The following RC3H1 variants were observed in gnomAD, a reference collection of about 807,000 sequenced individuals.
RC3H1 encodes roquin-1.
A neutral mutation model predicts 138.2 loss-of-function variants in RC3H1; 50 were observed. The ratio of observed to expected loss-of-function variants is 0.36; its 90% CI spans 0.29 to 0.46. The LOEUF (loss-of-function observed/expected upper bound fraction) is 0.46, where lower values mean the gene tolerates loss of function less well. Ranked by LOEUF, RC3H1 falls within the 20% of genes least tolerant of loss-of-function variation. RC3H1 has a pLI of 1.00. For missense variants in RC3H1, 1,031 were observed against 1,388.1 expected, an observed-to-expected ratio of 0.74 and a Z score of 4.09; for synonymous variants, 462 against 489.1, an observed-to-expected ratio of 0.94 and a Z score of 0.73.
In RC3H1 at chr1:173,935,220, T is replaced by C. The variant is rs1658532620; in HGVS notation, c.*3501A>G. 2 of 152,306 alleles carry C rather than the reference T, an allele frequency of 1.3e-5. No homozygotes were observed. Among genetic ancestry groups the C allele is most frequent in the Non-Finnish European group, 1.5e-5 (1 of 68,018 alleles). The allele number at this position is 152,306 out of a possible 1,614,324, so 9.4% of individuals were successfully genotyped here. ...AGACAGGACAGTTACTGGACTTATC[T>C]TATGACAAAATTATATATAAATTAG... On this transcript the variant is annotated 3_prime_UTR_variant, in exon 20 of 20. Coordinates refer to ENST00000367696, the MANE Select transcript of RC3H1 (RefSeq NM_172071.4).
intron 1 of RC3H1, among the ~76,000 whole-genome samples, chr1:173,996,598 T>C (rs74126483): frequency 0.033 from 4,998 of 152,146 alleles, 99 homozygotes; most frequent in Middle Eastern, 0.095. Context: ...TAAACCTGAG[T>C]GAACTTTCCT....
At chr1:173,989,244 T>C (rs942267636) in intron 2 of RC3H1, among the ~76,000 whole-genome samples, 2 of 152,214 alleles carry the variant, frequency 1.3e-5, no homozygotes. Context: ...GGTTTTGCCA[T>C]GTTGCTTAGG....
At chr1:174,013,282 G>A (rs1014772104) in intron 1 of RC3H1, among the ~76,000 whole-genome samples, 1 of 151,976 alleles carries the variant, frequency 6.6e-6, no homozygotes, top group Non-Finnish European at 1.5e-5. Context: ...GAATGGAAGT[G>A]GAGAATTGAA....
At chr1:173,999,010 C>T (rs867318601) in intron 1 of RC3H1, among the ~76,000 whole-genome samples, 1 of 151,912 alleles carries the variant, frequency 6.6e-6, no homozygotes, top group Non-Finnish European at 1.5e-5. Flanking sequence ...GGGAGGTATG[C>T]TTGATCCCAG....
intron 18 of RC3H1, among the ~76,000 whole-genome samples, chr1:173,941,915 G>C (rs1429401625): frequency 6.8e-6 from 1 of 146,822 alleles, no homozygotes; most frequent in East Asian, 2.0e-4. Context: ...CTGGGTGACA[G>C]AGTGAGACTC....
chr1:173,964,767 C>T (rs1660032089), intron 10 of RC3H1, 72 bp downstream of exon 10: 15 of 1,247,918 alleles, frequency 1.2e-5, no homozygotes, highest in Admixed American at 2.4e-5. Flanking sequence ...AAATCCCAAA[C>T]ATTAATTATT....
At chr1:173,965,268 C>A in intron 9 of RC3H1, 148 bp from the exon 10 acceptor site, 1 of 777,218 alleles carries the variant, frequency 1.3e-6, no homozygotes. Flanking sequence ...TCTCTAGCAG[C>A]AAGACATATT....
At chr1:173,941,970 G>A (rs1658888174) in intron 18 of RC3H1, among the ~76,000 whole-genome samples, 1 of 150,184 alleles carries the variant, frequency 6.7e-6, no homozygotes, top group Non-Finnish European at 1.5e-5. Flanking sequence ...TAGGCATGGT[G>A]GCTCACACCA....
intron 1 of RC3H1, among the ~76,000 whole-genome samples, chr1:173,999,684 C>T (rs537071482): frequency 6.6e-5 from 10 of 152,338 alleles, no homozygotes; most frequent in Non-Finnish European, 1.5e-4. Flanking sequence ...ATGTGTCAGT[C>T]ACTGTGCTAG....
At chr1:174,000,166 G>A (rs1033422617) in intron 1 of RC3H1, among the ~76,000 whole-genome samples, 9 of 152,176 alleles carry the variant, frequency 5.9e-5, no homozygotes, top group African/African-American at 2.2e-4. Context: ...AGTCATTAAG[G>A]GCTTTTTAAT....
intron 9 of RC3H1, among the ~76,000 whole-genome samples, chr1:173,966,444 G>A (rs986759923): frequency 4.6e-5 from 7 of 152,028 alleles, no homozygotes; most frequent in Non-Finnish European, 8.8e-5. Context: ...GGCTTGGCGC[G>A]GTGGCTCATA....
chr1:173,994,907 T>C (rs1661428030), intron 1 of RC3H1, among the ~76,000 whole-genome samples: 1 of 151,954 alleles, frequency 6.6e-6, no homozygotes, highest in African/African-American at 2.4e-5. Context: ...TGTTCAGTAC[T>C]AACGATAAAA....
intron 13 of RC3H1, among the ~76,000 whole-genome samples, chr1:173,953,194 T>G (rs1409794176): frequency 6.6e-6 from 1 of 152,160 alleles, no homozygotes; most frequent in African/African-American, 2.4e-5. Flanking sequence ...TTTAAAAAAT[T>G]TTTATCCTTT....
intron 18 of RC3H1, among the ~76,000 whole-genome samples, chr1:173,942,445 A>AAG (rs1221603187): frequency 1.3e-5 from 2 of 149,932 alleles, no homozygotes; most frequent in African/African-American, 4.9e-5. Context: ...AAAAAAAAAA[A>AAG]AAAAAGAAAA....
At chr1:173,974,548 T>G (rs546250648) in intron 7 of RC3H1, among the ~76,000 whole-genome samples, 1 of 152,192 alleles carries the variant, frequency 6.6e-6, no homozygotes, top group South Asian at 2.1e-4. Context: ...CAGAATAATA[T>G]ACCAAGGGAA....
At position 174,021,955 on chromosome 1, in the gene RC3H1, G is replaced by A. The variant is rs886217323; in HGVS notation, c.-151+141C>T. On this transcript the variant is annotated intron_variant, in intron 1 of 19. Coordinates refer to ENST00000367696, the MANE Select transcript of RC3H1 (RefSeq NM_172071.4). ...CGGCGGGGGCCCTGAGGAGCCTGGGGCCGGCCGGGCTGCCGCTGCCGCGGA... is the reference window on the plus strand; with the variant it reads ...CGGCGGGGGCCCTGAGGAGCCTGGGACCGGCCGGGCTGCCGCTGCCGCGGA... 42 of 377,192 alleles carry A rather than the reference G, an allele frequency of 1.1e-4. No homozygotes were observed. The East Asian group carries it at 1.6e-3, about 14-fold the overall frequency. The allele number at this position is 377,192 out of a possible 1,614,324, so 23.4% of individuals were successfully genotyped here.
At chr1:173,944,101 C>T (rs573407185) in intron 17 of RC3H1, among the ~76,000 whole-genome samples, 22 of 150,212 alleles carry the variant, frequency 1.5e-4, no homozygotes, top group Non-Finnish European at 2.8e-4. Flanking sequence ...TTTAAGATTA[C>T]AGCGAGCTGC....
rs80045499 is a variant in RC3H1, at chr1:174,010,985, C to T, written c.-151+11111G>A. ...GTCAATCATGGGGGAATAGGTGCTA[C>T]CACTTCACTATTTATGGATGCCTTT... On this transcript the variant is annotated intron_variant, in intron 1 of 19. Coordinates refer to ENST00000367696, the MANE Select transcript of RC3H1 (RefSeq NM_172071.4). Among the ~76,000 whole-genome samples the T allele has an allele frequency of 4.2e-3, 644 of 152,222 alleles. 5 individuals are homozygous for T. The highest frequency in any genetic ancestry group is 0.013 in the African/African-American group (554 of 41,526).
At chr1:173,972,431 T>A in intron 8 of RC3H1, 78 bp downstream of exon 8, 1 of 919,532 alleles carries the variant, frequency 1.1e-6, no homozygotes, top group Non-Finnish European at 1.8e-6. Context: ...TATCTGTAGG[T>A]ATACCCACAG....
Sources: gnomAD v4.1 joint callset for allele counts (sites outside exome capture counted in the v4.1 genomes callset) on GRCh38, gnomAD v4.1.1 for gene constraint, MANE v1.5 for transcripts, NCBI Gene and HGNC (gene_info 2026-07-23, HGNC 2026-07-21) for gene names.